The following CHIC1 variants were observed in gnomAD, a reference collection of about 807,000 sequenced individuals.
The protein encoded by CHIC1 is cysteine-rich hydrophobic domain-containing protein 1.
A neutral mutation model predicts 18.5 loss-of-function variants in CHIC1; 7 were observed. The observed-to-expected ratio is 0.38, with a 90% CI of 0.22 to 0.71. The LOEUF (loss-of-function observed/expected upper bound fraction) is 0.71. CHIC1 is among the 30% of genes least tolerant of loss of function. The probability of loss-of-function intolerance (pLI) is 0.49; values close to 1 mark genes in which losing one functional copy is unlikely to be tolerated. For synonymous variants in CHIC1, 77 were observed against 73.5 expected (o/e 1.05, Z -0.25); for missense variants, 159 against 176.9 (o/e 0.90, Z 0.57).
At chrX:73,588,176 T>A (rs1334490501) in intron 3 of CHIC1, among the ~76,000 whole-genome samples, 2 of 111,282 alleles carry the variant, frequency 1.8e-5, no homozygotes, top group South Asian at 3.7e-4. Flanking sequence ...TGAATATTAT[T>A]GTACTTACAG....
chrX:73,679,817 G>T (rs1278572354), intron 5 of CHIC1, 104 bp downstream of exon 5: 7 of 416,555 alleles, frequency 1.7e-5, no homozygotes, highest in South Asian at 9.7e-5. Context: ...TCCTCAGCCA[G>T]AACTTTTGTC....
Position 73,603,734 on chromosome X carries a change from C to G in CHIC1, c.507+19162C>G, listed in dbSNP as rs190628152. Among the ~76,000 whole-genome samples the G allele has an allele frequency of 6.5e-5, 7 of 108,460 alleles. No individual in the cohort carries two copies. In the East Asian group the frequency reaches 2.0e-3, roughly 31 times the overall value. The allele number at this position is 108,460 out of a possible 115,157, so 94.2% of individuals were successfully genotyped here. On this transcript the variant is annotated intron_variant, in intron 3 of 5. Transcript: ENST00000373502. ...AAGGGTTGTTGAATTTTATCAAAGG[C>G]CTTTTCTGCATCTATTGAGATAATC...
chrX:73,677,098 G>T (rs925953156), intron 3 of CHIC1, among the ~76,000 whole-genome samples: 3 of 111,430 alleles, frequency 2.7e-5, no homozygotes, highest in Non-Finnish European at 5.7e-5. Flanking sequence ...TGGAAGTTTT[G>T]TCTCAGAGGA....
chrX:73,592,268 T>G (rs148523227), intron 3 of CHIC1, among the ~76,000 whole-genome samples: 1,398 of 111,460 alleles, frequency 0.013, 22 homozygotes, highest in African/African-American at 0.044. Flanking sequence ...AGTATCCTTT[T>G]CTTGTTCCAG....
intron 3 of CHIC1, among the ~76,000 whole-genome samples, chrX:73,631,539 A>T: frequency 9.0e-6 from 1 of 110,698 alleles, no homozygotes; most frequent in East Asian, 2.8e-4. Context: ...AGGCTGAGGC[A>T]GGAGAATCAC....
rs1339906882 is a variant in CHIC1, at chrX:73,576,033, A to C, written c.297-1374A>C. ...AGACACAAACACACACATTAGCCTA[A>C]GTTTACACAGGGTCATGATCATCAA... On this transcript the variant is annotated intron_variant, in intron 1 of 5. Coordinates refer to ENST00000373502, the MANE Select transcript of CHIC1 (RefSeq NM_001039840.4). Among the ~76,000 whole-genome samples, 4 of 109,050 alleles carry C rather than the reference A, an allele frequency of 3.7e-5. No individual in the cohort carries two copies. In the South Asian group the frequency reaches 1.5e-3, roughly 42 times the overall value. The allele number at this position is 109,050 out of a possible 115,157, so 94.7% of individuals were successfully genotyped here.
At chrX:73,646,194 A>G (rs1444032802) in intron 3 of CHIC1, among the ~76,000 whole-genome samples, 1 of 111,863 alleles carries the variant, frequency 8.9e-6, no homozygotes, top group Non-Finnish European at 1.9e-5. Flanking sequence ...CCAATTGACC[A>G]TGGTTTGACC....
chrX:73,574,844 A>C (rs745953154), intron 1 of CHIC1, among the ~76,000 whole-genome samples: 12 of 110,212 alleles, frequency 1.1e-4, no homozygotes, highest in Non-Finnish European at 2.3e-4. Flanking sequence ...AGCAGTCTGT[A>C]AATCTTGTTT....
chrX:73,665,062 C>T (rs753514772), intron 3 of CHIC1, among the ~76,000 whole-genome samples: 2 of 112,259 alleles, frequency 1.8e-5, no homozygotes, highest in African/African-American at 6.5e-5. Flanking sequence ...GTCAATTTTG[C>T]ATTAACAGGC....
At chrX:73,664,837 G>A (rs1225306266) in intron 3 of CHIC1, among the ~76,000 whole-genome samples, 2 of 111,138 alleles carry the variant, frequency 1.8e-5, no homozygotes, top group African/African-American at 3.3e-5. Flanking sequence ...CTTGTTGTTC[G>A]CACAACTCAT....
Position 73,682,704 on chromosome X carries a change from C to T in CHIC1, c.*1699C>T, listed in dbSNP as rs1340051606. ...TCTGTGCCCCATTACCTCTGTGCCA[C>T]TCAGTCACCCCAAATCTCTAACCTT... On this transcript the variant is annotated 3_prime_UTR_variant, in exon 6 of 6. Coordinates refer to ENST00000373502, the MANE Select transcript of CHIC1 (RefSeq NM_001039840.4). The T allele has an allele frequency of 1.8e-5, 2 of 111,899 alleles. No homozygotes were observed. The highest frequency in any genetic ancestry group is 9.5e-5 in the Admixed American group (1 of 10,499). 9.2% of individuals were successfully genotyped at this position (111,899 alleles called of 1,213,427 possible).
chrX:73,673,783 A>G (rs375847480), intron 3 of CHIC1, among the ~76,000 whole-genome samples: 18 of 111,669 alleles, frequency 1.6e-4, no homozygotes, highest in East Asian at 8.5e-4. Flanking sequence ...TTCCAACACT[A>G]TGTTGAATAG....
intron 3 of CHIC1, among the ~76,000 whole-genome samples, chrX:73,597,918 G>C (rs2057618906): frequency 9.0e-6 from 1 of 110,964 alleles, no homozygotes; most frequent in Admixed American, 9.7e-5. Flanking sequence ...ATGGTTTCCA[G>C]CTTGATCCAT....
chrX:73,677,880 C>T (rs898040478), intron 3 of CHIC1, among the ~76,000 whole-genome samples: 3 of 111,962 alleles, frequency 2.7e-5, no homozygotes, highest in Non-Finnish European at 5.6e-5. Flanking sequence ...CATCTTGGCT[C>T]CTCCCTCTCA....
chrX:73,638,124 A>G (rs1251443356), intron 3 of CHIC1, among the ~76,000 whole-genome samples: 1 of 111,505 alleles, frequency 9.0e-6, no homozygotes, highest in East Asian at 2.8e-4. Context: ...GGCTTTCTCA[A>G]TTCCCCGTAT....
chrX:73,678,018 T>G (rs2058078367), intron 3 of CHIC1, among the ~76,000 whole-genome samples: 1 of 109,008 alleles, frequency 9.2e-6, no homozygotes, highest in African/African-American at 3.4e-5. Context: ...GTCCTTACAT[T>G]GATATCCACA....
intron 3 of CHIC1, among the ~76,000 whole-genome samples, chrX:73,603,941 G>T (rs2057665815): frequency 9.2e-6 from 1 of 108,725 alleles, no homozygotes; most frequent in African/African-American, 3.6e-5. Flanking sequence ...ATGTTCATCA[G>T]GTATATTGGC....
intron 3 of CHIC1, among the ~76,000 whole-genome samples, chrX:73,602,229 C>T (rs1190823145): frequency 1.8e-5 from 2 of 109,345 alleles, no homozygotes; most frequent in Non-Finnish European, 3.8e-5. Flanking sequence ...AGGCCAGCAT[C>T]ATTCTGATAC....
chrX:73,649,319 A>G (rs1463604352), intron 3 of CHIC1, among the ~76,000 whole-genome samples: 1 of 111,863 alleles, frequency 8.9e-6, no homozygotes, highest in Non-Finnish European at 1.9e-5. Flanking sequence ...AGCTAGGATC[A>G]TGATGACAGC....
Sources: gnomAD v4.1 joint callset for allele counts (sites outside exome capture counted in the v4.1 genomes callset) on GRCh38, gnomAD v4.1.1 for gene constraint, MANE v1.5 for transcripts, NCBI Gene and HGNC (gene_info 2026-07-23, HGNC 2026-07-21) for gene names.